Variants in FRMD4B observed in about 807,000 individuals in gnomAD.
The protein encoded by FRMD4B is FERM domain containing 4B, also known as FERM domain-containing protein 4B.
A neutral mutation model predicts 141.5 loss-of-function variants in FRMD4B; 74 were observed. The observed-to-expected ratio is 0.52, with a 90% confidence interval of 0.43 to 0.63. The LOEUF is 0.63. FRMD4B is among the 30% of genes least tolerant of loss of function. FRMD4B has a pLI of 0.00. For synonymous variants in FRMD4B, 506 were observed against 467.9 expected, an observed-to-expected ratio of 1.08 and a Z score of -1.05; for missense variants, 1,366 against 1,253.4, an observed-to-expected ratio of 1.09 and a Z score of -1.36.
At chr3:69,173,544 AC>A in intron 22 of FRMD4B, among the ~76,000 whole-genome samples, 1 of 152,352 alleles carries the variant, frequency 6.6e-6, no homozygotes, top group South Asian at 2.1e-4. Context: ...TTTCATAAAA[AC>A]AATTTACAGA....
Position 69,438,838 on chromosome 3 carries a change from T to C in FRMD4B, c.-128-6077A>G, listed in dbSNP as rs143001757. Among the ~76,000 whole-genome samples the C allele has an allele frequency of 3.4e-3, 514 of 152,242 alleles. 4 individuals carry two copies. Among genetic ancestry groups the C allele is most frequent in the African/African-American group, 0.012 (498 of 41,556 alleles). On this transcript the variant is annotated intron_variant, in intron 1 of 5. Coordinates refer to the FRMD4B transcript ENST00000459638. ...AAAGTGGGGGTAAAATATGGAAATATACAGAAGAAAATGCAACAAACTCCT... is the reference window on the plus strand; with the variant it reads ...AAAGTGGGGGTAAAATATGGAAATACACAGAAGAAAATGCAACAAACTCCT...
chr3:69,286,427 T>C (rs2107058701), intron 5 of FRMD4B, among the ~76,000 whole-genome samples: 2 of 151,770 alleles, frequency 1.3e-5, no homozygotes, highest in South Asian at 4.2e-4. Context: ...ACATGTGAAG[T>C]GGTATAATAT....
chr3:69,222,206 C>T (rs1433173966), intron 8 of FRMD4B, among the ~76,000 whole-genome samples: 1 of 152,062 alleles, frequency 6.6e-6, no homozygotes, highest in African/African-American at 2.4e-5. Flanking sequence ...GGCGTGGTGG[C>T]TCACGCCTGT....
At position 69,287,885 on chromosome 3, in the gene FRMD4B, C is replaced by T. The variant is rs188696197; in HGVS notation, c.417-49G>A. On this transcript the variant is annotated intron_variant, in intron 4 of 22. Coordinates refer to ENST00000398540, the MANE Select transcript of FRMD4B (RefSeq NM_015123.3). Reference sequence around the variant, plus strand: ...TTCCTTCAGATTTATTTTCACCTCTCAGCATTCCTCATTCAGTGTTCCCCA... The same window carrying T: ...TTCCTTCAGATTTATTTTCACCTCTTAGCATTCCTCATTCAGTGTTCCCCA... The T allele has an allele frequency of 1.3e-5, 11 of 818,390 alleles. No homozygotes were observed. In the East Asian group the frequency reaches 1.6e-4, roughly 12 times the overall value. The allele number at this position is 818,390 out of a possible 1,614,324, so 50.7% of individuals were successfully genotyped here. A position where few individuals can be genotyped will look rare whatever the true frequency, so the allele number is the denominator to read the frequency against.
intron 7 of FRMD4B, among the ~76,000 whole-genome samples, chr3:69,232,924 T>C (rs1366448247): frequency 8.0e-5 from 12 of 149,336 alleles, no homozygotes; most frequent in Non-Finnish European, 1.8e-4. Flanking sequence ...GTTTTTTTTT[T>C]TTTTTTTGGT....
At chr3:69,176,790 C>T (rs1476239002) in intron 21 of FRMD4B, 134 bp from the exon 22 acceptor site, 2 of 625,732 alleles carry the variant, frequency 3.2e-6, no homozygotes, top group Non-Finnish European at 5.5e-6. Context: ...AACAGAGTTC[C>T]TATTCCAATT....
intron 11 of FRMD4B, among the ~76,000 whole-genome samples, chr3:69,212,359 C>CAAAAAAAAAAAAAAAAAAAAAGAAAAAAA (rs2093091149): frequency 1.2e-4 from 3 of 25,360 alleles, no homozygotes; most frequent in African/African-American, 1.6e-4. Flanking sequence ...AACCCCGTCT[C>CAAAAAAAAAAAAAAAAAAAAAGAAAAAAA]AAAAAAAAAA....
At position 69,250,266 on chromosome 3, in the gene FRMD4B, G is replaced by T. The variant is rs1397552080; in HGVS notation, c.502-167C>A. ...GGGGGTGTGGAGAGACTCATTGAGG[G>T]TTAAGGCGAAACCACTGTGTGTGCG... On this transcript the variant is annotated intron_variant, in intron 5 of 22. Transcript: ENST00000398540. 4 of 660,758 alleles carry T rather than the reference G, an allele frequency of 6.1e-6. No homozygotes were observed. In the African/African-American group the frequency reaches 7.2e-5, roughly 12 times the overall value. 40.9% of individuals were successfully genotyped at this position (660,758 alleles called of 1,614,324 possible).
At chr3:69,536,454 C>T (rs554540119) in intron 1 of FRMD4B, 9 of 705,294 alleles carry the variant, frequency 1.3e-5, no homozygotes, top group Non-Finnish European at 2.4e-5. Flanking sequence ...GGTACTTGTG[C>T]AGGATGTAGA....
chr3:69,249,283 A>G, intron 6 of FRMD4B, 35 bp from the exon 7 acceptor site: 2 of 1,457,336 alleles, frequency 1.4e-6, no homozygotes, highest in East Asian at 2.3e-5. Context: ...GTTGATCAAT[A>G]TGTATCTTTG....
In FRMD4B at chr3:69,357,515, A is replaced by T. The variant is rs371798765; in HGVS notation, c.162+28313T>A. ...GATCACCTAACTGGTGAGCTTGTACATATGTATTGGTGACTTTGTGGAGGG... is the reference window on the plus strand; with the variant it reads ...GATCACCTAACTGGTGAGCTTGTACTTATGTATTGGTGACTTTGTGGAGGG... On this transcript the variant is annotated intron_variant, in intron 1 of 22. Coordinates refer to ENST00000398540, the MANE Select transcript of FRMD4B (RefSeq NM_015123.3). 1.2e-4 allele frequency among the ~76,000 whole-genome samples: 19 copies of T among 152,330 alleles called. 1 individual carries two copies. In the South Asian group the frequency reaches 3.9e-3, roughly 32 times the overall value.
intron 1 of FRMD4B, among the ~76,000 whole-genome samples, chr3:69,491,044 C>T (rs1484348846): frequency 6.6e-6 from 1 of 152,010 alleles, no homozygotes; most frequent in Non-Finnish European, 1.5e-5. Context: ...GGTGCAGCAC[C>T]AGCTCAATGA....
intron 5 of FRMD4B, among the ~76,000 whole-genome samples, chr3:69,259,917 G>A (rs777224195): frequency 7.8e-4 from 118 of 152,184 alleles, no homozygotes; most frequent in Non-Finnish European, 1.4e-3. Flanking sequence ...ACAGCCTCCT[G>A]AGTAGGTGGG....
At position 69,404,661 on chromosome 3, in the gene FRMD4B, C is replaced by T. The variant is rs372337268; in HGVS notation, c.-1+27973G>A. Reference sequence around the variant, plus strand: ...ATAATCCAGGCAGAACTGTGAGTTTCGTGCTTGGTACTGGGTGGAGTTGGG... The same window carrying T: ...ATAATCCAGGCAGAACTGTGAGTTTTGTGCTTGGTACTGGGTGGAGTTGGG... On this transcript the variant is annotated intron_variant, in intron 2 of 5. Coordinates refer to the FRMD4B transcript ENST00000459638. Among the ~76,000 whole-genome samples, 15 of 152,234 alleles carry T rather than the reference C, an allele frequency of 9.9e-5. 1 individual carries two copies. In the East Asian group the frequency reaches 2.7e-3, roughly 27 times the overall value.
At chr3:69,535,788 C>A (rs1488007987) in intron 1 of FRMD4B, 7 of 473,670 alleles carry the variant, frequency 1.5e-5, no homozygotes, top group Admixed American at 1.4e-4. Context: ...ACCCACTGCC[C>A]TTAGCAGGAG....
chr3:69,465,018 C>A (rs1705760779), intron 1 of FRMD4B, among the ~76,000 whole-genome samples: 1 of 152,130 alleles, frequency 6.6e-6, no homozygotes, highest in African/African-American at 2.4e-5. Context: ...TTATTTGGAC[C>A]TTAAGTCAAA....
chr3:69,200,391 A>C, intron 11 of FRMD4B: 1 of 989,362 alleles, frequency 1.0e-6, no homozygotes, highest in Non-Finnish European at 1.2e-6. Context: ...AAATCTCCAC[A>C]AACTTGAGGT....
intron 5 of FRMD4B, among the ~76,000 whole-genome samples, chr3:69,262,302 T>C (rs2093532604): frequency 6.6e-6 from 1 of 152,028 alleles, no homozygotes; most frequent in South Asian, 2.1e-4. Context: ...TGGCAGAGTC[T>C]ACTAAAGCAT....
At chr3:69,182,366 A>G (rs1197129118) in intron 20 of FRMD4B, among the ~76,000 whole-genome samples, 1 of 152,234 alleles carries the variant, frequency 6.6e-6, no homozygotes, top group Non-Finnish European at 1.5e-5. Context: ...ATGAATGGTA[A>G]TATGTGACTG....
Sources: allele counts gnomAD v4.1 joint callset (sites outside exome capture counted in the v4.1 genomes callset), GRCh38; gene constraint gnomAD v4.1.1; transcripts MANE v1.5; gene names NCBI Gene and HGNC (gene_info 2026-07-23, HGNC 2026-07-21).